Variants in LRRTM4 observed in about 807,000 individuals in gnomAD.
LRRTM4 encodes the protein leucine-rich repeat transmembrane neuronal protein 4.
A neutral mutation model predicts 47.6 loss-of-function variants in LRRTM4; 25 were observed. The observed-to-expected ratio is 0.53, with a 90% confidence interval of 0.38 to 0.73. LRRTM4 has a LOEUF of 0.73. Ranked by LOEUF, LRRTM4 falls within the 30% of genes least tolerant of loss-of-function variation. LRRTM4 has a pLI of 0.00. For synonymous variants in LRRTM4, 311 were observed against 269.5 expected (o/e 1.15, Z -1.51); for missense variants, 638 against 713.4 (o/e 0.89, Z 1.20).
At chr2:77,073,259 T>G (rs1453636617) in intron 3 of LRRTM4, among the ~76,000 whole-genome samples, 1 of 152,130 alleles carries the variant, frequency 6.6e-6, no homozygotes, top group East Asian at 1.9e-4. Flanking sequence ...GTCATTAACA[T>G]TTTAAAATAT....
intron 3 of LRRTM4, among the ~76,000 whole-genome samples, chr2:77,498,410 T>C (rs1678444868): frequency 6.6e-6 from 1 of 151,866 alleles, no homozygotes; most frequent in South Asian, 2.1e-4. Flanking sequence ...ATTTGGTGTG[T>C]TCAAAACCAT....
At chr2:76,807,471 C>CATATATATATAT (rs1553412706) in intron 3 of LRRTM4, among the ~76,000 whole-genome samples, 1 of 97,482 alleles carries the variant, frequency 1.0e-5, no homozygotes, top group Admixed American at 1.0e-4. Context: ...TATATATATA[C>CATATATATATAT]ATATATATAT....
intron 3 of LRRTM4, among the ~76,000 whole-genome samples, chr2:77,324,816 T>C (rs865841213): frequency 1.9e-4 from 29 of 152,280 alleles, no homozygotes; most frequent in African/African-American, 7.0e-4. Context: ...TGGACAGGCA[T>C]ACAGGCAGAT....
At chr2:76,833,809 AAAT>A (rs1258955102) in intron 3 of LRRTM4, among the ~76,000 whole-genome samples, 1 of 151,742 alleles carries the variant, frequency 6.6e-6, no homozygotes, top group African/African-American at 2.4e-5. Flanking sequence ...GAAAATAGCA[AAAT>A]AATATTTTAA....
chr2:77,048,776 T>A (rs545426344), intron 3 of LRRTM4, among the ~76,000 whole-genome samples: 2 of 151,958 alleles, frequency 1.3e-5, no homozygotes, highest in African/African-American at 4.8e-5. Context: ...TTGAGAACAT[T>A]CAAAGTCCAT....
At chr2:77,273,809 T>A (rs1341565912) in intron 3 of LRRTM4, among the ~76,000 whole-genome samples, 4 of 152,160 alleles carry the variant, frequency 2.6e-5, no homozygotes, top group African/African-American at 7.2e-5. Context: ...AAACTGTTAA[T>A]CATATATTTA....
chr2:77,448,586 C>T (rs1676140857), intron 3 of LRRTM4, among the ~76,000 whole-genome samples: 1 of 151,818 alleles, frequency 6.6e-6, no homozygotes. Context: ...AGTTCATTTA[C>T]ATAATTCTTA....
intron 3 of LRRTM4, among the ~76,000 whole-genome samples, chr2:77,506,625 C>G (rs62159465): frequency 0.052 from 7,907 of 151,844 alleles, 257 homozygotes; most frequent in Middle Eastern, 0.1. Flanking sequence ...TTACACAATG[C>G]ATGTGGTAAG....
intron 3 of LRRTM4, among the ~76,000 whole-genome samples, chr2:76,884,506 T>G (rs980483691): frequency 6.6e-6 from 1 of 152,212 alleles, no homozygotes; most frequent in Non-Finnish European, 1.5e-5. Flanking sequence ...TTAAAAGGTT[T>G]GCATATACTG....
At chr2:77,362,543 C>A (rs980754770) in intron 3 of LRRTM4, among the ~76,000 whole-genome samples, 1 of 152,074 alleles carries the variant, frequency 6.6e-6, no homozygotes, top group African/African-American at 2.4e-5. Context: ...TCCGTGTTAC[C>A]CCAATCTGTT....
chr2:77,298,551 C>A (rs1017880986), intron 3 of LRRTM4, among the ~76,000 whole-genome samples: 2 of 152,156 alleles, frequency 1.3e-5, no homozygotes, highest in African/African-American at 4.8e-5. Context: ...TTCTGAGTCT[C>A]ACATCAGACT....
At chr2:77,027,610 C>G (rs1678499576) in intron 3 of LRRTM4, among the ~76,000 whole-genome samples, 1 of 152,148 alleles carries the variant, frequency 6.6e-6, no homozygotes. Flanking sequence ...ACTATCAGCT[C>G]TAAATGCATA....
At chr2:77,178,044 A>G (rs939149479) in intron 3 of LRRTM4, among the ~76,000 whole-genome samples, 1 of 152,180 alleles carries the variant, frequency 6.6e-6, no homozygotes, top group African/African-American at 2.4e-5. Context: ...ACTCTTCTTC[A>G]TGCTTAGAAG....
At chr2:77,439,169 A>G (rs1364268173) in intron 3 of LRRTM4, among the ~76,000 whole-genome samples, 1 of 152,198 alleles carries the variant, frequency 6.6e-6, no homozygotes, top group Non-Finnish European at 1.5e-5. Context: ...AAGATTCTGC[A>G]CCTATAAAAG....
intron 3 of LRRTM4, among the ~76,000 whole-genome samples, chr2:77,114,023 A>T (rs939327391): frequency 2.6e-5 from 4 of 152,110 alleles, no homozygotes; most frequent in African/African-American, 7.2e-5. Flanking sequence ...AATTCTCAAC[A>T]TCATCAGGTG....
At chr2:77,475,737 A>C (rs1466406124) in intron 3 of LRRTM4, among the ~76,000 whole-genome samples, 7 of 111,926 alleles carry the variant, frequency 6.3e-5, no homozygotes, top group Non-Finnish European at 1.8e-5. Context: ...ATTAATAAAT[A>C]GTTACTAATC....
intron 3 of LRRTM4, among the ~76,000 whole-genome samples, chr2:77,361,394 C>T (rs1439613261): frequency 2.0e-5 from 3 of 152,142 alleles, no homozygotes; most frequent in Non-Finnish European, 4.4e-5. Context: ...ACTTTTCCTT[C>T]CTGTTGCTTT....
chr2:76,828,511 T>A (rs562079820), intron 3 of LRRTM4, among the ~76,000 whole-genome samples: 1 of 151,916 alleles, frequency 6.6e-6, no homozygotes, highest in Non-Finnish European at 1.5e-5. Flanking sequence ...TTTTCAAGTG[T>A]TAGTGTAATG....
chr2:77,480,822 G>GT (rs1222517611), intron 3 of LRRTM4, among the ~76,000 whole-genome samples: 40,872 of 74,186 alleles, frequency 0.55, 11,529 homozygotes, highest in Middle Eastern at 0.57. Context: ...GTGTGTGTGT[G>GT]GAGAGAGAGA....
Sources: gnomAD v4.1 joint callset for allele counts (sites outside exome capture counted in the v4.1 genomes callset) on GRCh38, gnomAD v4.1.1 for gene constraint, MANE v1.5 for transcripts, NCBI Gene and HGNC (gene_info 2026-07-23, HGNC 2026-07-21) for gene names.